Variants in CKAP5 observed in about 807,000 individuals in gnomAD.
CKAP5 encodes the protein cytoskeleton associated protein 5, also known as cytoskeleton-associated protein 5.
A neutral mutation model predicts 232.8 loss-of-function variants in CKAP5; 27 were observed. The observed-to-expected ratio is 0.12, with a 90% CI of 0.09 to 0.16. The LOEUF (loss-of-function observed/expected upper bound fraction) is 0.16, where lower values mean the gene tolerates loss of function less well. Among genes scored for constraint, CKAP5 ranks in the 10% least tolerant of loss-of-function variants. CKAP5 has a pLI of 1.00. For missense variants in CKAP5, 1,838 were observed against 2,424.7 expected, an observed-to-expected ratio of 0.76 and a Z score of 5.08; for synonymous variants, 785 against 841.1, an observed-to-expected ratio of 0.93 and a Z score of 1.16.
At chr11:46,845,878 CG>C (rs1438696243) in intron 1 of CKAP5, among the ~76,000 whole-genome samples, 1 of 152,136 alleles carries the variant, frequency 6.6e-6, no homozygotes, top group African/African-American at 2.4e-5. Context: ...GGCCGGCTCT[CG>C]GGGCCCCCGC....
At chr11:46,789,974 G>A (rs773924951) in intron 15 of CKAP5, 102 bp downstream of exon 15, 6 of 703,058 alleles carry the variant, frequency 8.5e-6, no homozygotes, top group South Asian at 2.0e-5. Context: ...CGTGTTCACC[G>A]GTTATAAAAC....
chr11:46,766,524 T>G (rs190191087), intron 27 of CKAP5, among the ~76,000 whole-genome samples: 1 of 152,292 alleles, frequency 6.6e-6, no homozygotes, highest in African/African-American at 2.4e-5. Flanking sequence ...GAGTGTGTAC[T>G]CCAAAATGGG....
Position 46,760,211 on chromosome 11 carries a change from T to C in CKAP5, c.4394+401A>G, listed in dbSNP as rs2065143077. The stretch of plus-strand genomic sequence containing the variant: ...ATGACATTGAACTTTTGTGGAAGAC[T>C]TGATTCATGGGGTACTTATGGACAC... On this transcript the variant is annotated intron_variant, in intron 33 of 43. Coordinates refer to ENST00000529230, the MANE Select transcript of CKAP5 (RefSeq NM_001008938.4). 1.4e-5 allele frequency: 3 copies of C among 220,162 alleles called. No homozygotes were observed. In the South Asian group the frequency reaches 2.1e-4, roughly 15 times the overall value. The allele number at this position is 220,162 out of a possible 1,614,324, so 13.6% of individuals were successfully genotyped here.
At chr11:46,811,718 C>G in intron 4 of CKAP5, among the ~76,000 whole-genome samples, 1 of 152,152 alleles carries the variant, frequency 6.6e-6, no homozygotes, top group South Asian at 2.1e-4. Flanking sequence ...TTCAGGTGAT[C>G]CACCCGCCTC....
chr11:46,778,024 G>C (rs2065305575), intron 22 of CKAP5, 115 bp downstream of exon 22: 3 of 807,784 alleles, frequency 3.7e-6, no homozygotes, highest in African/African-American at 1.7e-5. Flanking sequence ...GCTATTTCTA[G>C]TTCAAAGCAA....
chr11:46,818,869 C>T (rs1565751720), intron 2 of CKAP5, among the ~76,000 whole-genome samples: 1 of 152,056 alleles, frequency 6.6e-6, no homozygotes, highest in African/African-American at 2.4e-5. Context: ...AAAGTATATG[C>T]TGTTTTTTGG....
intron 1 of CKAP5, among the ~76,000 whole-genome samples, chr11:46,844,415 A>T (rs72895852): frequency 6.6e-6 from 1 of 152,262 alleles, no homozygotes; most frequent in Non-Finnish European, 1.5e-5. Flanking sequence ...GTGAAGGTAA[A>T]AAACAAACAA....
chr11:46,834,953 C>T (rs1324417942), intron 1 of CKAP5, among the ~76,000 whole-genome samples: 1 of 150,066 alleles, frequency 6.7e-6, no homozygotes, highest in Non-Finnish European at 1.5e-5. Context: ...CACAGGCATG[C>T]ACCACCACTC....
intron 5 of CKAP5, 90 bp from the exon 6 acceptor site, chr11:46,809,964 C>T (rs1939239106): frequency 2.3e-6 from 3 of 1,292,924 alleles, no homozygotes; most frequent in African/African-American, 3.0e-5. Flanking sequence ...ATATCAGGAC[C>T]CAATTTCTTT....
At chr11:46,752,191 T>TATATATATATAC (rs1555160680) in intron 38 of CKAP5, among the ~76,000 whole-genome samples, 64 of 73,132 alleles carry the variant, frequency 8.8e-4, no homozygotes, top group African/African-American at 2.6e-3. Flanking sequence ...TATATATATA[T>TATATATATATAC]ATACACACAC....
intron 1 of CKAP5, among the ~76,000 whole-genome samples, chr11:46,823,410 T>C (rs1939588336): frequency 6.6e-6 from 1 of 152,224 alleles, no homozygotes; most frequent in African/African-American, 2.4e-5. Context: ...TCAATACACA[T>C]GTAGTAATAT....
Position 46,759,027 on chromosome 11 carries a change from G to A in CKAP5, c.4585C>T (p.Pro1529Ser). Residue 1529 changes from proline (P) to serine (S), a missense_variant, in exon 35 of 44, where the codon CCA (proline) becomes TCA (serine). Pro to Ser is a moderately conservative substitution (Grantham distance 74). Coordinates refer to ENST00000529230, the MANE Select transcript of CKAP5 (RefSeq NM_001008938.4). The part of the protein sequence containing the change: ...IPEPKIRAVS[P>S]HFDDMHSNTA... Reference sequence around the variant, plus strand: ...TTACTGTGCATGTCATCGAAGTGTGGAGAAACAGCCCGGATCCTAGATAGC... The same window carrying A: ...TTACTGTGCATGTCATCGAAGTGTGAAGAAACAGCCCGGATCCTAGATAGC... 6.2e-7 allele frequency: 1 copy of A among 1,613,108 alleles called. No individual in the cohort carries two copies. The highest frequency in any genetic ancestry group is 8.5e-7 in the Non-Finnish European group (1 of 1,179,888).
chr11:46,752,401 C>T (rs2065076416), intron 38 of CKAP5, among the ~76,000 whole-genome samples: 1 of 151,172 alleles, frequency 6.6e-6, no homozygotes, highest in Non-Finnish European at 1.5e-5. Context: ...CTTCTGGGTT[C>T]AAGTAATCTC....
At chr11:46,844,127 T>C (rs1425812934) in intron 1 of CKAP5, among the ~76,000 whole-genome samples, 4 of 150,756 alleles carry the variant, frequency 2.7e-5, no homozygotes, top group African/African-American at 9.8e-5. Flanking sequence ...GAGGCTGAGG[T>C]GGCAGAATCG....
At chr11:46,785,030 C>G (rs1269759413) in intron 16 of CKAP5, among the ~76,000 whole-genome samples, 4 of 152,168 alleles carry the variant, frequency 2.6e-5, no homozygotes, top group Non-Finnish European at 5.9e-5. Context: ...AATTACTATA[C>G]TGACTGCATA....
At chr11:46,839,218 T>C (rs1008512731) in intron 1 of CKAP5, among the ~76,000 whole-genome samples, 14 of 152,196 alleles carry the variant, frequency 9.2e-5, no homozygotes, top group African/African-American at 7.2e-5. Flanking sequence ...GGAGATGACA[T>C]TTAAGTTGAA....
rs1016659514 is a variant in CKAP5 at position 46,786,652 on chromosome 11, T to C, written c.1969-1979A>G. On this transcript the variant is annotated intron_variant, in intron 16 of 43. Coordinates refer to ENST00000529230, the MANE Select transcript of CKAP5 (RefSeq NM_001008938.4). ...GGGAATAAGATATCCACAGAGGACT[T>C]TGAGAATCTAGAAGGTCATGCGAAT... Among the ~76,000 whole-genome samples, 7 of 152,294 alleles carry C rather than the reference T, an allele frequency of 4.6e-5. No individual in the cohort carries two copies. The South Asian group carries it at 6.2e-4, about 14-fold the overall frequency.
At chr11:46,823,218 G>A (rs1692914972) in intron 1 of CKAP5, among the ~76,000 whole-genome samples, 2 of 151,938 alleles carry the variant, frequency 1.3e-5, no homozygotes, top group South Asian at 4.2e-4. Context: ...TGATCCCACT[G>A]ATCGTGAGCC....
intron 4 of CKAP5, among the ~76,000 whole-genome samples, chr11:46,813,923 G>A (rs1939333685): frequency 6.6e-6 from 1 of 151,792 alleles, no homozygotes; most frequent in South Asian, 2.1e-4. Context: ...CTTGATGCCA[G>A]GAGTTCCAGA....
Sources: allele counts gnomAD v4.1 joint callset (sites outside exome capture counted in the v4.1 genomes callset), GRCh38; gene constraint gnomAD v4.1.1; transcripts MANE v1.5; gene names NCBI Gene and HGNC (gene_info 2026-07-23, HGNC 2026-07-21).